LHFPL3: variants seen among roughly 807,000 people sequenced by gnomAD.
LHFPL3 encodes the protein LHFPL tetraspan subfamily member 3 protein.
Under a neutral mutation model 19.3 loss-of-function variants are expected in LHFPL3, and 5 were observed. The observed-to-expected ratio is 0.26, with a 90% confidence interval of 0.14 to 0.54. LHFPL3 has a LOEUF of 0.54. LHFPL3 is among the 20% of genes least tolerant of loss of function. The probability of loss-of-function intolerance (pLI) is 0.94; values close to 1 mark genes in which losing one functional copy is unlikely to be tolerated. For missense variants in LHFPL3, 249 were observed against 307.4 expected, an observed-to-expected ratio of 0.81 and a Z score of 1.42; for synonymous variants, 133 against 126.2, an observed-to-expected ratio of 1.05 and a Z score of -0.36.
chr7:104,906,030 C>T (rs535308826), intron 2 of LHFPL3, among the ~76,000 whole-genome samples, 157 bp from the exon 3 acceptor site: 1 of 152,276 alleles, frequency 6.6e-6, no homozygotes, highest in East Asian at 1.9e-4. Flanking sequence ...TCAAACTTTC[C>T]AGTATTGTTT....
At chr7:104,460,283 C>G (rs1792631833) in intron 1 of LHFPL3, among the ~76,000 whole-genome samples, 1 of 152,102 alleles carries the variant, frequency 6.6e-6, no homozygotes, top group Admixed American at 6.6e-5. Context: ...CATGTCTTTG[C>G]TATTGTGAAT....
intron 1 of LHFPL3, among the ~76,000 whole-genome samples, chr7:104,469,434 T>C (rs908546687): frequency 3.9e-5 from 6 of 152,228 alleles, no homozygotes; most frequent in Non-Finnish European, 8.8e-5. Flanking sequence ...AACTGGACTT[T>C]ATTTGTTTGT....
At chr7:104,869,966 T>G in intron 2 of LHFPL3, among the ~76,000 whole-genome samples, 1 of 151,924 alleles carries the variant, frequency 6.6e-6, no homozygotes, top group Non-Finnish European at 1.5e-5. Flanking sequence ...CTGGAAACCA[T>G]CATTCTCAGC....
intron 1 of LHFPL3, among the ~76,000 whole-genome samples, chr7:104,542,714 T>A (rs191770434): frequency 4.6e-5 from 7 of 152,318 alleles, no homozygotes; most frequent in Admixed American, 4.6e-4. Context: ...AGACAATTGA[T>A]GTTGCTTCCT....
intron 1 of LHFPL3, among the ~76,000 whole-genome samples, chr7:104,455,456 C>G (rs1157841612): frequency 6.6e-6 from 1 of 152,178 alleles, no homozygotes; most frequent in African/African-American, 2.4e-5. Context: ...CGTGGCAGCT[C>G]ACACCTGTAA....
At chr7:104,740,717 A>G (rs1793918226) in intron 2 of LHFPL3, among the ~76,000 whole-genome samples, 1 of 152,204 alleles carries the variant, frequency 6.6e-6, no homozygotes, top group Non-Finnish European at 1.5e-5. Context: ...TCACGAGAAC[A>G]GTATAGGGGA....
intron 2 of LHFPL3, among the ~76,000 whole-genome samples, chr7:104,748,415 G>C (rs867241001): frequency 1.2e-4 from 16 of 128,484 alleles, no homozygotes; most frequent in South Asian, 6.7e-4. Flanking sequence ...GAAGGCATCT[G>C]TCTCCTGCCT....
chr7:104,718,828 A>C (rs1327479592), intron 1 of LHFPL3, among the ~76,000 whole-genome samples: 2 of 152,094 alleles, frequency 1.3e-5, no homozygotes, highest in Non-Finnish European at 2.9e-5. Context: ...ACTATGGCAC[A>C]AAGTGGTAGT....
At chr7:104,619,075 G>C (rs186697476) in intron 1 of LHFPL3, among the ~76,000 whole-genome samples, 1 of 152,134 alleles carries the variant, frequency 6.6e-6, no homozygotes, top group Non-Finnish European at 1.5e-5. Context: ...AGGAGTCAGC[G>C]GTGCTTCCTG....
intron 1 of LHFPL3, among the ~76,000 whole-genome samples, chr7:104,675,606 A>G (rs753762178): frequency 6.6e-6 from 1 of 152,156 alleles, no homozygotes; most frequent in Non-Finnish European, 1.5e-5. Context: ...GTGGGATATC[A>G]TAGCAACTTC....
intron 2 of LHFPL3, among the ~76,000 whole-genome samples, chr7:104,834,707 G>C (rs1267326014): frequency 6.6e-6 from 1 of 151,942 alleles, no homozygotes; most frequent in East Asian, 1.9e-4. Context: ...TTAAACACAT[G>C]TGTGCACAAT....
intron 1 of LHFPL3, among the ~76,000 whole-genome samples, chr7:104,712,413 G>A (rs1229323388): frequency 6.6e-6 from 1 of 152,186 alleles, no homozygotes; most frequent in East Asian, 1.9e-4. Flanking sequence ...TACTAGCTCT[G>A]TGGCTTCTTC....
chr7:104,437,370 T>C (rs1792129816), intron 1 of LHFPL3, among the ~76,000 whole-genome samples: 1 of 152,202 alleles, frequency 6.6e-6, no homozygotes, highest in South Asian at 2.1e-4. Flanking sequence ...AGAACACTTC[T>C]GATACAAGAT....
At chr7:104,427,702 C>G (rs1440336780) in intron 1 of LHFPL3, among the ~76,000 whole-genome samples, 1 of 152,188 alleles carries the variant, frequency 6.6e-6, no homozygotes, top group Non-Finnish European at 1.5e-5. Flanking sequence ...TACTCTCTCT[C>G]CATTTGGGGT....
At chr7:104,498,523 G>T (rs1351699685) in intron 1 of LHFPL3, among the ~76,000 whole-genome samples, 1 of 148,906 alleles carries the variant, frequency 6.7e-6, no homozygotes, top group Non-Finnish European at 1.5e-5. Flanking sequence ...TTGAGACAGG[G>T]TCTCACTCTG....
chr7:104,555,902 G>C (rs1269529160), intron 1 of LHFPL3, among the ~76,000 whole-genome samples: 1 of 152,212 alleles, frequency 6.6e-6, no homozygotes, highest in Non-Finnish European at 1.5e-5. Context: ...GGGAGAAATT[G>C]ACCAAAACAA....
intron 1 of LHFPL3, among the ~76,000 whole-genome samples, chr7:104,334,180 T>C (rs1020960165): frequency 6.6e-6 from 1 of 152,184 alleles, no homozygotes; most frequent in African/African-American, 2.4e-5. Flanking sequence ...ATTCGATAAT[T>C]TTTCATTGAG....
At chr7:104,405,886 G>A (rs1202950843) in intron 1 of LHFPL3, among the ~76,000 whole-genome samples, 1 of 152,192 alleles carries the variant, frequency 6.6e-6, no homozygotes, top group African/African-American at 2.4e-5. Context: ...CCTCCTAAGA[G>A]TGTTGATGTA....
At chr7:104,733,752 G>C (rs927248281) in intron 1 of LHFPL3, among the ~76,000 whole-genome samples, 2 of 152,184 alleles carry the variant, frequency 1.3e-5, no homozygotes, top group Admixed American at 1.3e-4. Flanking sequence ...GTGTGAATTT[G>C]ATCCTGTCAT....
Sources: allele counts gnomAD v4.1 joint callset (sites outside exome capture counted in the v4.1 genomes callset), GRCh38; gene constraint gnomAD v4.1.1; transcripts MANE v1.5; gene names NCBI Gene and HGNC (gene_info 2026-07-23, HGNC 2026-07-21).